ANKFN1: variants seen among roughly 807,000 people sequenced by gnomAD.
ANKFN1 encodes the protein ankyrin repeat and fibronectin type III domain containing 1.
In ANKFN1, 74 loss-of-function variants were observed where a neutral mutation model predicts 108.7. The ratio of observed to expected loss-of-function variants is 0.68; its 90% CI spans 0.56 to 0.83. The LOEUF (loss-of-function observed/expected upper bound fraction) is 0.83. Ranked by LOEUF, ANKFN1 falls within the 40% of genes least tolerant of loss-of-function variation. ANKFN1 has a pLI of 0.00. For synonymous variants in ANKFN1, 547 were observed against 516.2 expected, an observed-to-expected ratio of 1.06 and a Z score of -0.81; for missense variants, 1,505 against 1,382.3, an observed-to-expected ratio of 1.09 and a Z score of -1.41.
At chr17:56,239,825 C>T (rs182352764) in intron 3 of ANKFN1, among the ~76,000 whole-genome samples, 1 of 152,116 alleles carries the variant, frequency 6.6e-6, no homozygotes, top group Admixed American at 6.6e-5. Flanking sequence ...GATTGAAACA[C>T]TTCTGGTTCC....
chr17:56,502,556 C>T (rs930992897), intron 20 of ANKFN1, among the ~76,000 whole-genome samples: 1 of 152,120 alleles, frequency 6.6e-6, no homozygotes, highest in Non-Finnish European at 1.5e-5. Flanking sequence ...TGGGGAGAAA[C>T]ATTTAGTGTC....
intron 3 of ANKFN1, among the ~76,000 whole-genome samples, chr17:56,229,371 T>G (rs1321921925): frequency 6.6e-6 from 1 of 152,092 alleles, no homozygotes; most frequent in Non-Finnish European, 1.5e-5. Context: ...TATTATTTCT[T>G]TTGAACACAG....
At chr17:56,208,072 C>T (rs997960531) in intron 1 of ANKFN1, among the ~76,000 whole-genome samples, 2 of 152,146 alleles carry the variant, frequency 1.3e-5, no homozygotes, top group African/African-American at 2.4e-5. Context: ...TGCTGTGGAG[C>T]GATTTTGGCT....
chr17:56,135,349 C>G (rs1907536384), intron 4 of ANKFN1, among the ~76,000 whole-genome samples: 1 of 152,058 alleles, frequency 6.6e-6, no homozygotes, highest in South Asian at 2.1e-4. Flanking sequence ...TATTTTCTGC[C>G]CCAAGTCAAT....
intron 4 of ANKFN1, among the ~76,000 whole-genome samples, chr17:56,056,966 A>C (rs1904891253): frequency 6.6e-6 from 1 of 152,250 alleles, no homozygotes; most frequent in African/African-American, 2.4e-5. Flanking sequence ...CAATTATCTC[A>C]AACCCTGCTA....
chr17:56,317,194 A>G (rs377720575), intron 3 of ANKFN1, among the ~76,000 whole-genome samples: 1 of 152,308 alleles, frequency 6.6e-6, no homozygotes, highest in Non-Finnish European at 1.5e-5. Flanking sequence ...GTGACTTTCA[A>G]CGTCATCTAG....
chr17:56,439,724 G>A (rs1713152861), intron 8 of ANKFN1, among the ~76,000 whole-genome samples: 2 of 152,134 alleles, frequency 1.3e-5, no homozygotes, highest in Admixed American at 1.3e-4. Flanking sequence ...ATAATGAAAG[G>A]AGGCTTCTTT....
At chr17:56,204,945 G>A (rs1451454940) in intron 1 of ANKFN1, among the ~76,000 whole-genome samples, 2 of 152,066 alleles carry the variant, frequency 1.3e-5, no homozygotes. Flanking sequence ...GCGTGGTGGC[G>A]GGTGCCTGTA....
chr17:56,406,872 A>G (rs987161469), intron 8 of ANKFN1, among the ~76,000 whole-genome samples: 9 of 152,198 alleles, frequency 5.9e-5, no homozygotes, highest in African/African-American at 2.2e-4. Context: ...CTAGAACTTT[A>G]TAAGATCACT....
chr17:56,295,401 T>C (rs554797660), intron 3 of ANKFN1, among the ~76,000 whole-genome samples: 37 of 152,308 alleles, frequency 2.4e-4, no homozygotes, highest in African/African-American at 8.4e-4. Context: ...AGACCAGTAA[T>C]ACCTGTATCA....
chr17:56,171,466 T>C (rs1031068560), intron 1 of ANKFN1, among the ~76,000 whole-genome samples: 2 of 152,080 alleles, frequency 1.3e-5, no homozygotes, highest in African/African-American at 2.4e-5. Context: ...AAAACAGCAG[T>C]GTGATGAGCA....
intron 5 of ANKFN1, among the ~76,000 whole-genome samples, chr17:56,352,919 A>G (rs2046281918): frequency 6.6e-6 from 1 of 152,190 alleles, no homozygotes; most frequent in African/African-American, 2.4e-5. Context: ...GCCATGGTCC[A>G]GACATGAGAT....
intron 4 of ANKFN1, among the ~76,000 whole-genome samples, chr17:56,335,359 T>G (rs902909314): frequency 1.3e-5 from 2 of 152,172 alleles, no homozygotes; most frequent in African/African-American, 4.8e-5. Flanking sequence ...GAGCATGGAC[T>G]CTTCTTCCAT....
intron 2 of ANKFN1, among the ~76,000 whole-genome samples, chr17:56,222,376 G>C (rs183906503): frequency 1.4e-4 from 22 of 152,300 alleles, no homozygotes; most frequent in Admixed American, 7.8e-4. Flanking sequence ...TTATTTCACT[G>C]TAATGGGTCA....
chr17:56,377,346 C>A (rs961545550), intron 8 of ANKFN1, among the ~76,000 whole-genome samples: 1 of 152,138 alleles, frequency 6.6e-6, no homozygotes, highest in African/African-American at 2.4e-5. Flanking sequence ...TTCTTCACAC[C>A]GTGGGGGCAC....
At chr17:56,159,846 C>G (rs1251158394) in intron 1 of ANKFN1, among the ~76,000 whole-genome samples, 2 of 150,970 alleles carry the variant, frequency 1.3e-5, no homozygotes, top group Admixed American at 1.3e-4. Flanking sequence ...GTTGTTAGAG[C>G]AGGGATAGTA....
chr17:56,353,987 C>A lies in ANKFN1; in HGVS notation c.542C>A (p.Thr181Asn). The change falls in exon 6 of 21, where the codon ACC becomes AAC. Residue 181 changes from threonine to asparagine, a missense_variant. Transcript: ENST00000682825. Reference sequence around the variant, plus strand: ...ACACCCCTGGATATTGCCATCATGACCAACAATGTGCCCATTGCAAGGATT... The same window carrying A: ...ACACCCCTGGATATTGCCATCATGAACAACAATGTGCCCATTGCAAGGATT... ...GLTPLDIAIM[T>N]NNVPIARILL... is the part of the protein sequence containing the mutation. 6.2e-7 allele frequency: 1 copy of A among 1,613,960 alleles called. No homozygotes were observed. The highest frequency in any genetic ancestry group is 8.5e-7 in the Non-Finnish European group (1 of 1,179,968).
intron 3 of ANKFN1, among the ~76,000 whole-genome samples, chr17:56,232,308 CT>C (rs1335099626): frequency 2.6e-5 from 4 of 152,048 alleles, no homozygotes; most frequent in African/African-American, 9.7e-5. Flanking sequence ...CAGTACAGAG[CT>C]TCTAGAAAAA....
chr17:56,085,267 G>A (rs1905296877), intron 4 of ANKFN1, among the ~76,000 whole-genome samples: 1 of 149,174 alleles, frequency 6.7e-6, no homozygotes, highest in African/African-American at 2.5e-5. Flanking sequence ...AAGGCTCTTT[G>A]CAGATATAAC....
Sources: allele counts gnomAD v4.1 joint callset (sites outside exome capture counted in the v4.1 genomes callset), GRCh38; gene constraint gnomAD v4.1.1; transcripts MANE v1.5; gene names NCBI Gene and HGNC (gene_info 2026-07-23, HGNC 2026-07-21).